The following PDGFD variants were observed in gnomAD, a reference collection of about 807,000 sequenced individuals.
PDGFD encodes platelet-derived growth factor D.
A neutral mutation model predicts 44.7 loss-of-function variants in PDGFD; 30 were observed. The ratio of observed to expected loss-of-function variants is 0.67; its 90% confidence interval spans 0.50 to 0.91. The LOEUF is 0.91. Among genes scored for constraint, PDGFD ranks in the 40% least tolerant of loss-of-function variants. PDGFD has a pLI of 0.00. For synonymous variants in PDGFD, 173 were observed against 168.4 expected, an observed-to-expected ratio of 1.03 and a Z score of -0.21; for missense variants, 445 against 457.8, an observed-to-expected ratio of 0.97 and a Z score of 0.25.
chr11:104,037,526 C>G (rs750106656), intron 1 of PDGFD: 1 of 1,614,092 alleles, frequency 6.2e-7, no homozygotes, highest in Middle Eastern at 1.6e-4. Context: ...GAAGAGGCCC[C>G]CGAGAGTTTT....
chr11:104,126,281 C>A (rs1861840135), intron 1 of PDGFD, among the ~76,000 whole-genome samples: 1 of 152,152 alleles, frequency 6.6e-6, no homozygotes, highest in South Asian at 2.1e-4. Flanking sequence ...CTCCTCCCTG[C>A]CTGGATTTCA....
intron 3 of PDGFD, among the ~76,000 whole-genome samples, chr11:103,974,420 A>G (rs926815545): frequency 3.9e-5 from 6 of 152,154 alleles, no homozygotes; most frequent in Non-Finnish European, 5.9e-5. Flanking sequence ...CTGTACTTCA[A>G]TCATAGCCCT....
intron 1 of PDGFD, chr11:104,036,792 T>C (rs777850014): frequency 6.3e-7 from 1 of 1,579,740 alleles, no homozygotes; most frequent in South Asian, 1.1e-5. Flanking sequence ...GCCCATGCCC[T>C]CTGCTAGCCC....
At position 104,119,506 on chromosome 11, in the gene PDGFD, T is replaced by TC. The variant is rs1331319192; in HGVS notation, c.124+44297_124+44298insG. On this transcript the variant is annotated intron_variant, in intron 1 of 6. Transcript: ENST00000393158. ...TAATATAATATATTGATATAATATA[T>TC]AATATATTAATATAATATATTGATA... 1.8e-4 allele frequency among the ~76,000 whole-genome samples: 8 copies of TC among 44,338 alleles called. 2 individuals carry two copies. The highest frequency in any genetic ancestry group is 8.5e-4 in the African/African-American group (8 of 9,422). 29.1% of individuals were successfully genotyped at this position (44,338 alleles called of 152,430 possible). A position where few individuals can be genotyped will look rare whatever the true frequency, so the allele number is the denominator to read the frequency against.
At chr11:103,965,530 G>A (rs759969960) in intron 3 of PDGFD, among the ~76,000 whole-genome samples, 2 of 152,108 alleles carry the variant, frequency 1.3e-5, no homozygotes, top group Non-Finnish European at 1.5e-5. Flanking sequence ...GCACAATATC[G>A]TGTGCACTGC....
chr11:104,035,551 A>G (rs1437563435), intron 1 of PDGFD, among the ~76,000 whole-genome samples: 1 of 118,738 alleles, frequency 8.4e-6, no homozygotes, highest in Non-Finnish European at 1.7e-5. Flanking sequence ...TTCCTTCCTT[A>G]CTTCTTTTTC....
intron 1 of PDGFD, among the ~76,000 whole-genome samples, chr11:104,007,525 G>A (rs1180069073): frequency 1.3e-5 from 2 of 152,190 alleles, no homozygotes; most frequent in Admixed American, 6.5e-5. Flanking sequence ...ATCAAACAGT[G>A]ATATAGTTGC....
intron 1 of PDGFD, among the ~76,000 whole-genome samples, chr11:104,050,385 C>CAA (rs1565321104): frequency 6.6e-6 from 1 of 152,092 alleles, no homozygotes; most frequent in Non-Finnish European, 1.5e-5. Flanking sequence ...ATGAAACAAA[C>CAA]AAGTAAATCA....
chr11:103,915,881 C>T (rs1044072350), intron 6 of PDGFD, among the ~76,000 whole-genome samples: 5 of 152,192 alleles, frequency 3.3e-5, no homozygotes, highest in African/African-American at 1.2e-4. Context: ...GAAAAACTGG[C>T]TAGCCATATG....
At chr11:104,084,642 T>C (rs930561712) in intron 1 of PDGFD, among the ~76,000 whole-genome samples, 2 of 147,060 alleles carry the variant, frequency 1.4e-5, no homozygotes, top group Admixed American at 6.8e-5. Flanking sequence ...ATATATAATA[T>C]ACAACCAAAT....
At chr11:103,946,917 A>G (rs4145958) in intron 4 of PDGFD, among the ~76,000 whole-genome samples, 49,632 of 152,042 alleles carry the variant, frequency 0.33, 8,436 homozygotes, top group East Asian at 0.39. Context: ...TTAGGAAAAA[A>G]AACAACAACT....
At chr11:103,951,751 T>C (rs1209676972) in intron 3 of PDGFD, among the ~76,000 whole-genome samples, 1 of 152,226 alleles carries the variant, frequency 6.6e-6, no homozygotes, top group African/African-American at 2.4e-5. Context: ...TGCTCAAATA[T>C]CTAACATCTT....
chr11:104,059,917 AATC>A (rs201928734), intron 1 of PDGFD, among the ~76,000 whole-genome samples: 1,749 of 152,312 alleles, frequency 0.011, 21 homozygotes, highest in African/African-American at 0.038. Context: ...TTTGAAAACA[AATC>A]ATTTTGAATA....
intron 3 of PDGFD, among the ~76,000 whole-genome samples, chr11:103,951,451 AT>A (rs1221275357): frequency 1.3e-5 from 2 of 152,188 alleles, no homozygotes; most frequent in African/African-American, 4.8e-5. Context: ...GGTAAATCAA[AT>A]CACTTCTGTC....
chr11:104,163,104 A>C (rs1862412940), intron 1 of PDGFD, among the ~76,000 whole-genome samples: 1 of 152,096 alleles, frequency 6.6e-6, no homozygotes, highest in Non-Finnish European at 1.5e-5. Context: ...CTTGTAGATA[A>C]TTGGAAGCCG....
intron 1 of PDGFD, among the ~76,000 whole-genome samples, chr11:104,016,242 T>C (rs1241766017): frequency 6.6e-6 from 1 of 152,204 alleles, no homozygotes; most frequent in African/African-American, 2.4e-5. Flanking sequence ...ATGGTAGTCA[T>C]GGGTTTTTCC....
chr11:104,044,879 A>G (rs1315036159), intron 1 of PDGFD, among the ~76,000 whole-genome samples: 1 of 152,152 alleles, frequency 6.6e-6, no homozygotes, highest in Non-Finnish European at 1.5e-5. Context: ...TCTACTAAAA[A>G]TACAAAAAAT....
At chr11:104,124,514 G>A (rs1393300197) in intron 1 of PDGFD, among the ~76,000 whole-genome samples, 2 of 151,968 alleles carry the variant, frequency 1.3e-5, no homozygotes, top group Non-Finnish European at 2.9e-5. Context: ...TATAAATGCT[G>A]ATATTCATTA....
chr11:104,093,821 T>G (rs139548451), intron 1 of PDGFD, among the ~76,000 whole-genome samples: 130 of 150,898 alleles, frequency 8.6e-4, no homozygotes, highest in African/African-American at 3.1e-3. Context: ...TCCCACTCTT[T>G]GGCTTTGCAA....
Sources: gnomAD v4.1 joint callset for allele counts (sites outside exome capture counted in the v4.1 genomes callset) on GRCh38, gnomAD v4.1.1 for gene constraint, MANE v1.5 for transcripts, NCBI Gene and HGNC (gene_info 2026-07-23, HGNC 2026-07-21) for gene names.